The following SV2C variants were observed in gnomAD, a reference collection of about 807,000 sequenced individuals.
The protein encoded by SV2C is solute carrier family 22 member B3.
SV2C carries 49 observed loss-of-function variants against 79.7 expected under a neutral mutation model. That is an observed-to-expected ratio of 0.61 (90% CI 0.49 to 0.78). The LOEUF (loss-of-function observed/expected upper bound fraction) is 0.78. Among genes scored for constraint, SV2C ranks in the 30% least tolerant of loss-of-function variants. The pLI is 0.00. For synonymous variants in SV2C, 334 were observed against 333.2 expected (o/e 1.00, Z -0.03); for missense variants, 833 against 912.9 (o/e 0.91, Z 1.13).
chr5:76,118,500 A>G (rs949297820), intron 1 of SV2C, among the ~76,000 whole-genome samples: 1 of 152,328 alleles, frequency 6.6e-6, no homozygotes, highest in Non-Finnish European at 1.5e-5. Flanking sequence ...TCACAAGAAA[A>G]GACATGTTCA....
At chr5:75,990,519 G>A in the SV2C span, among the ~76,000 whole-genome samples, 3 of 151,904 alleles carry the variant, frequency 2.0e-5, no homozygotes, top group African/African-American at 7.3e-5. Context: ...GAATCCACAA[G>A]CATTAAGGAA....
At chr5:75,978,697 C>A in the SV2C span, among the ~76,000 whole-genome samples, 1 of 152,112 alleles carries the variant, frequency 6.6e-6, no homozygotes, top group South Asian at 2.1e-4. Flanking sequence ...GTACCACACA[C>A]AACACACTGC....
intron 2 of SV2C, among the ~76,000 whole-genome samples, chr5:76,151,519 T>G (rs16873233): frequency 0.013 from 2,053 of 152,220 alleles, 44 homozygotes; most frequent in African/African-American, 0.047. Flanking sequence ...TAGTCTAGCC[T>G]TCAGGTGATG....
chr5:76,012,446 C>T, the SV2C span, among the ~76,000 whole-genome samples: 3,863 of 151,950 alleles, frequency 0.025, 174 homozygotes, highest in African/African-American at 0.088. Context: ...GCCCACTTTT[C>T]GATGGGGTTG....
chr5:75,967,457 C>T, the SV2C span, among the ~76,000 whole-genome samples: 3 of 152,150 alleles, frequency 2.0e-5, no homozygotes, highest in African/African-American at 2.4e-5. Flanking sequence ...CCTGGAAAAT[C>T]GGGTCACTCT....
intron 2 of SV2C, among the ~76,000 whole-genome samples, chr5:76,139,615 C>A (rs989328324): frequency 6.6e-6 from 1 of 152,114 alleles, no homozygotes; most frequent in African/African-American, 2.4e-5. Flanking sequence ...AGACTGAGGT[C>A]CAAACCAGTC....
At chr5:75,975,943 A>G in the SV2C span, among the ~76,000 whole-genome samples, 1 of 152,190 alleles carries the variant, frequency 6.6e-6, no homozygotes, top group Non-Finnish European at 1.5e-5. Flanking sequence ...AGAGTTTTGT[A>G]TCATTAGCTA....
At chr5:76,141,578 C>CT (rs1749250542) in intron 2 of SV2C, among the ~76,000 whole-genome samples, 1 of 151,956 alleles carries the variant, frequency 6.6e-6, no homozygotes, top group Non-Finnish European at 1.5e-5. Flanking sequence ...AATCCCAGCC[C>CT]TTTGGGAGGC....
At chr5:76,335,686 C>G (rs1225500462), downstream of SV2C, among the ~76,000 whole-genome samples, 1 of 152,094 alleles carries the variant, frequency 6.6e-6, no homozygotes, top group Non-Finnish European at 1.5e-5. Flanking sequence ...ACCCTTAATC[C>G]ATTTAACCCT....
chr5:75,981,469 A>G, the SV2C span, among the ~76,000 whole-genome samples: 2 of 152,202 alleles, frequency 1.3e-5, no homozygotes. Flanking sequence ...TTCAAACTAT[A>G]CTATACAGCT....
chr5:76,307,828 G>A (rs1748254660), intron 12 of SV2C, among the ~76,000 whole-genome samples: 1 of 151,926 alleles, frequency 6.6e-6, no homozygotes, highest in African/African-American at 2.4e-5. Flanking sequence ...ATATTTTTCA[G>A]TTCTAAAATT....
At chr5:75,902,608 T>C in the SV2C span, among the ~76,000 whole-genome samples, 1 of 152,370 alleles carries the variant, frequency 6.6e-6, no homozygotes, top group Admixed American at 6.5e-5. Context: ...TTGCCTCTGA[T>C]AATTTCCAAA....
At chr5:76,031,916 AGTTCCCTGAGGT>A in the SV2C span, among the ~76,000 whole-genome samples, 2 of 152,208 alleles carry the variant, frequency 1.3e-5, no homozygotes, top group Admixed American at 1.3e-4. Context: ...GGCTGCCTTG[AGTTCCCTGAGGT>A]AATATATGGA....
chr5:76,056,801 G>A, the SV2C span, among the ~76,000 whole-genome samples: 8 of 151,852 alleles, frequency 5.3e-5, no homozygotes, highest in African/African-American at 1.7e-4. Context: ...GAATAGAGGT[G>A]TTTATAATAT....
intron 2 of SV2C, among the ~76,000 whole-genome samples, chr5:76,135,450 G>C (rs1011328450): frequency 1.3e-5 from 2 of 152,140 alleles, no homozygotes; most frequent in Non-Finnish European, 2.9e-5. Context: ...GAATCATTAA[G>C]GAGGTAGAGG....
the SV2C span, among the ~76,000 whole-genome samples, chr5:75,890,211 C>T: frequency 2.6e-5 from 4 of 152,046 alleles, no homozygotes; most frequent in Admixed American, 6.6e-5. Flanking sequence ...ACTCCAGGAG[C>T]GTGCCACTGT....
At chr5:76,187,248 A>G (rs565684139) in intron 2 of SV2C, among the ~76,000 whole-genome samples, 1 of 152,346 alleles carries the variant, frequency 6.6e-6, no homozygotes, top group Admixed American at 6.5e-5. Context: ...TTGAGGAACG[A>G]CATTAGAGAA....
At chr5:75,963,369 T>G in the SV2C span, among the ~76,000 whole-genome samples, 6 of 152,146 alleles carry the variant, frequency 3.9e-5, no homozygotes, top group African/African-American at 4.8e-5. Flanking sequence ...AGACTCTGCA[T>G]ATCTAAACAT....
chr5:76,153,427 G>T (rs1742619621), intron 2 of SV2C, among the ~76,000 whole-genome samples: 1 of 152,136 alleles, frequency 6.6e-6, no homozygotes, highest in African/African-American at 2.4e-5. Flanking sequence ...CCCAAGAGTT[G>T]GCCCTTGGTG....
Sources: allele counts gnomAD v4.1 joint callset (sites outside exome capture counted in the v4.1 genomes callset), GRCh38; gene constraint gnomAD v4.1.1; transcripts MANE v1.5; gene names NCBI Gene and HGNC (gene_info 2026-07-23, HGNC 2026-07-21).